The following CHN2 variants were observed in gnomAD, a reference collection of about 807,000 sequenced individuals.
CHN2 encodes chimerin 2, also known as beta-chimaerin.
Under a neutral mutation model 56.3 loss-of-function variants are expected in CHN2, and 35 were observed. The observed-to-expected ratio is 0.62, with a 90% CI of 0.47 to 0.82. The LOEUF is 0.82. Ranked by LOEUF, CHN2 falls within the 40% of genes least tolerant of loss-of-function variation. The probability of loss-of-function intolerance (pLI) is 0.00; values close to 1 mark genes in which losing one functional copy is unlikely to be tolerated. For missense variants in CHN2, 491 were observed against 580.5 expected (o/e 0.85, Z 1.58); for synonymous variants, 210 against 212.8 (o/e 0.99, Z 0.12).
chr7:29,488,688 C>T (rs901602550), intron 7 of CHN2, among the ~76,000 whole-genome samples: 3 of 152,106 alleles, frequency 2.0e-5, no homozygotes, highest in Non-Finnish European at 4.4e-5. Context: ...TTCACCCCCC[C>T]ACCTCCCCCT....
intron 6 of CHN2, among the ~76,000 whole-genome samples, chr7:29,455,487 C>T (rs1244919980): frequency 1.3e-5 from 2 of 152,168 alleles, no homozygotes; most frequent in Admixed American, 1.3e-4. Context: ...GGAACCAGAA[C>T]CCCGGTTTCC....
At chr7:29,295,477 T>C (rs1317213494) in intron 1 of CHN2, among the ~76,000 whole-genome samples, 1 of 150,884 alleles carries the variant, frequency 6.6e-6, no homozygotes, top group African/African-American at 2.4e-5. Context: ...AAAAAAAAAA[T>C]CAGGGCCAGG....
chr7:29,405,541 G>T (rs1204113724), intron 6 of CHN2, among the ~76,000 whole-genome samples: 1 of 151,900 alleles, frequency 6.6e-6, no homozygotes, highest in Admixed American at 6.6e-5. Context: ...CCATCACCAC[G>T]CCTTTCTCAA....
At chr7:29,481,677 C>A (rs1158920138) in intron 7 of CHN2, among the ~76,000 whole-genome samples, 8 of 57,246 alleles carry the variant, frequency 1.4e-4, no homozygotes, top group East Asian at 1.4e-3. Flanking sequence ...TTTTTTTTTA[C>A]TCTGTTTTCC....
intron 3 of CHN2, among the ~76,000 whole-genome samples, chr7:29,377,164 C>T (rs1270601633): frequency 6.6e-6 from 1 of 152,160 alleles, no homozygotes; most frequent in Admixed American, 6.5e-5. Context: ...GCTGGGATTA[C>T]AGGCATCTGC....
At chr7:29,466,195 G>C (rs900452342) in intron 6 of CHN2, among the ~76,000 whole-genome samples, 3 of 150,744 alleles carry the variant, frequency 2.0e-5, no homozygotes, top group African/African-American at 7.3e-5. Context: ...GAGTGAAATT[G>C]TCAAAATAAA....
intron 1 of CHN2, among the ~76,000 whole-genome samples, chr7:29,347,387 G>T (rs1370057314): frequency 6.6e-6 from 1 of 152,150 alleles, no homozygotes; most frequent in African/African-American, 2.4e-5. Flanking sequence ...GCCTGAGACT[G>T]GGTAATTTAT....
intron 1 of CHN2, among the ~76,000 whole-genome samples, chr7:29,280,415 A>T (rs1244688565): frequency 6.6e-6 from 1 of 151,906 alleles, no homozygotes; most frequent in African/African-American, 2.4e-5. Flanking sequence ...TAAATAAATA[A>T]AAATAGGGAA....
chr7:29,278,548 C>T (rs1251365725), intron 1 of CHN2, among the ~76,000 whole-genome samples: 1 of 152,086 alleles, frequency 6.6e-6, no homozygotes, highest in African/African-American at 2.4e-5. Context: ...GGTTCTATCC[C>T]ATTGCCAGTG....
chr7:29,383,990 T>C (rs1800730959), intron 3 of CHN2, among the ~76,000 whole-genome samples: 1 of 152,158 alleles, frequency 6.6e-6, no homozygotes, highest in African/African-American at 2.4e-5. Context: ...TTGCATACAA[T>C]GAAGAAGACT....
At chr7:29,500,589 T>G (rs10262722) in intron 9 of CHN2, among the ~76,000 whole-genome samples, 47,118 of 151,970 alleles carry the variant, frequency 0.31, 8,161 homozygotes, top group African/African-American at 0.47. Context: ...AAATAAACAT[T>G]GTGGATGGCC....
In CHN2 at chr7:29,213,026, G is replaced by A. The variant is rs560443412; in HGVS notation, c.49+18036G>A. 5.0e-4 allele frequency: 802 copies of A among 1,598,046 alleles called. 14 individuals are homozygous for A. In the South Asian group the frequency reaches 7.9e-3, roughly 16 times the overall value. ...GCCTGGAACAGTCCCTTCTATAACT[G>A]TGGAGAGGAATCTCTGCAGTCCTGC... On this transcript the variant is annotated intron_variant, in intron 1 of 12. Transcript: ENST00000222792.
intron 1 of CHN2, among the ~76,000 whole-genome samples, chr7:29,224,858 T>C (rs1197373351): frequency 6.6e-6 from 1 of 152,248 alleles, no homozygotes; most frequent in Non-Finnish European, 1.5e-5. Context: ...GTGCTGTCTG[T>C]ATTTTTCTCA....
intron 6 of CHN2, among the ~76,000 whole-genome samples, chr7:29,450,001 G>A (rs942186700): frequency 2.2e-4 from 34 of 152,316 alleles, no homozygotes; most frequent in African/African-American, 8.2e-4. Context: ...TGAGTTCCGT[G>A]AAGTGGCTTC....
At position 29,322,242 on chromosome 7, in the gene CHN2, C is replaced by G. The variant is rs141413911; in HGVS notation, c.50-32383C>G. On this transcript the variant is annotated intron_variant, in intron 1 of 12. Transcript: ENST00000222792. ...CTCCACCAGCAGGTCTCTGCCTTCC[C>G]TGGAACGAAATGTGTGGGCTCAGTC... 1.4e-3 allele frequency among the ~76,000 whole-genome samples: 219 copies of G among 152,340 alleles called. 1 individual carries two copies. The Middle Eastern group carries it at 0.024, about 17-fold the overall frequency.
chr7:29,396,259 A>G (rs1369154593), intron 4 of CHN2, among the ~76,000 whole-genome samples: 1 of 151,942 alleles, frequency 6.6e-6, no homozygotes, highest in Non-Finnish European at 1.5e-5. Flanking sequence ...TCCGGGCAAC[A>G]TGGTGAGACC....
chr7:29,359,919 C>A (rs1453002040), intron 2 of CHN2, among the ~76,000 whole-genome samples: 2 of 152,178 alleles, frequency 1.3e-5, no homozygotes, highest in Non-Finnish European at 2.9e-5. Context: ...CCTGGAGGCT[C>A]CCCTGGGCAG....
At chr7:29,383,366 C>T (rs915864109) in intron 3 of CHN2, among the ~76,000 whole-genome samples, 5 of 152,046 alleles carry the variant, frequency 3.3e-5, no homozygotes, top group African/African-American at 7.2e-5. Context: ...AGGAGAAGAT[C>T]GGTGTTCCTG....
At chr7:29,292,860 A>T (rs58674189) in intron 1 of CHN2, 18,898 of 455,708 alleles carry the variant, frequency 0.041, 548 homozygotes, top group African/African-American at 0.089. Flanking sequence ...TTGGGGAAGA[A>T]AATATATCTG....
Sources: allele counts gnomAD v4.1 joint callset (sites outside exome capture counted in the v4.1 genomes callset), GRCh38; gene constraint gnomAD v4.1.1; transcripts MANE v1.5; gene names NCBI Gene and HGNC (gene_info 2026-07-23, HGNC 2026-07-21).